NTRK1: variants seen among roughly 807,000 people sequenced by gnomAD.
NTRK1 encodes the protein neurotrophic receptor tyrosine kinase 1, also known as high affinity nerve growth factor receptor.
A neutral mutation model predicts 86.8 loss-of-function variants in NTRK1; 62 were observed. The ratio of observed to expected loss-of-function variants is 0.71; its 90% confidence interval spans 0.58 to 0.88. The LOEUF is 0.88. Among genes scored for constraint, NTRK1 ranks in the 40% least tolerant of loss-of-function variants. NTRK1 has a pLI of 0.00. For missense variants in NTRK1, 967 were observed against 1,078.4 expected (o/e 0.90, Z 1.45); for synonymous variants, 469 against 456.6 (o/e 1.03, Z -0.35).
intron 1 of NTRK1, among the ~76,000 whole-genome samples, chr1:156,826,524 C>T (rs558345136): frequency 1.4e-4 from 21 of 152,024 alleles, no homozygotes; most frequent in Middle Eastern, 6.8e-3. Flanking sequence ...CTCCTGACCT[C>T]GTGATCCGCC....
chr1:156,849,513 G>GGGGGGGGC, intron 2 of NTRK1: 1 of 486,122 alleles, frequency 2.1e-6, no homozygotes, highest in Non-Finnish European at 4.1e-6. Flanking sequence ...CAGGGGGTGG[G>GGGGGGGGC]AAAGGGGATG....
chr1:156,826,293 CTTT>C (rs386368405), intron 1 of NTRK1, among the ~76,000 whole-genome samples: 5 of 88,436 alleles, frequency 5.7e-5, no homozygotes, highest in Non-Finnish European at 8.5e-5. Context: ...GACTTGAGCT[CTTT>C]TTTTTTTTTT....
At chr1:156,816,603 C>A in intron 1 of NTRK1, 1 of 1,523,342 alleles carries the variant, frequency 6.6e-7, no homozygotes, top group Non-Finnish European at 9.0e-7. Context: ...GGAGCTCAAG[C>A]CCAGGAGGGA....
chr1:156,851,100 A>C lies in NTRK1; in HGVS notation c.50+8907A>C, dbSNP rs147554767. ...GAGTAATATTCAAAACAGTCCTGAG[A>C]AGTAAGTAATGTTATATTAGCCCTA... is the stretch of plus-strand genomic sequence containing the variant. On this transcript the variant is annotated intron_variant, in intron 2 of 16. Transcript: ENST00000392302. The C allele has an allele frequency of 2.3e-3, 1,577 of 694,562 alleles. 20 individuals carry two copies. In the African/African-American group the frequency reaches 0.025, roughly 11 times the overall value. 43.0% of individuals were successfully genotyped at this position (694,562 alleles called of 1,614,324 possible). A position where few individuals can be genotyped will look rare whatever the true frequency, so the allele number is the denominator to read the frequency against.
chr1:156,860,557 T>C (rs983582626), upstream of NTRK1, among the ~76,000 whole-genome samples: 3 of 152,112 alleles, frequency 2.0e-5, no homozygotes, highest in Non-Finnish European at 4.4e-5. Context: ...TCATCTTCCC[T>C]CCTCCCCAAA....
At chr1:156,851,746 G>A in intron 2 of NTRK1, 1 of 1,614,104 alleles carries the variant, frequency 6.2e-7, no homozygotes, top group Non-Finnish European at 8.5e-7. Flanking sequence ...TGCCTACCTT[G>A]CACTCTTTAG....
chr1:156,819,790 A>AT (rs1381753527), intron 1 of NTRK1, among the ~76,000 whole-genome samples: 1 of 152,096 alleles, frequency 6.6e-6, no homozygotes, highest in African/African-American at 2.4e-5. Flanking sequence ...AATTGCTGGG[A>AT]TTACAGGCAT....
intron 1 of NTRK1, among the ~76,000 whole-genome samples, chr1:156,830,924 T>C (rs1483587279): frequency 6.6e-6 from 1 of 152,212 alleles, no homozygotes; most frequent in African/African-American, 2.4e-5. Context: ...TTACCTTCTT[T>C]TCTACCAGCC....
chr1:156,878,752 G>T (rs747672863), intron 14 of NTRK1, among the ~76,000 whole-genome samples: 3 of 152,194 alleles, frequency 2.0e-5, no homozygotes, highest in Non-Finnish European at 4.4e-5. Flanking sequence ...GGGTGGGAAG[G>T]GTCCCTTCCC....
At chr1:156,837,542 G>A (rs1246913559) in intron 1 of NTRK1, among the ~76,000 whole-genome samples, 1 of 152,192 alleles carries the variant, frequency 6.6e-6, no homozygotes, top group Non-Finnish European at 1.5e-5. Context: ...AAAGGGGGTG[G>A]ACAGGGAGTG....
In NTRK1 at chr1:156,873,935, T is replaced by G. The variant is rs2102906375; in HGVS notation, c.1153T>G (p.Phe385Val). ...TGCCTTCATGGACAACCCTTTCGAG[T>G]TCAACCCCGAGGACCCCATCCCTGG... ...MAAFMDNPFE[F>V]NPEDPIPVSF... is the part of the protein sequence containing the mutation. The change falls in exon 8 of 17, where the codon TTC becomes GTC. Residue 385 changes from phenylalanine (F) to valine (V), a missense_variant. Physicochemically the swap from Phe to Val is conservative, Grantham distance 50. This residue lies in a region of NTRK1 where 637 missense variants were observed against 776.5 expected (regional missense o/e 0.82). Coordinates refer to ENST00000524377, the MANE Select transcript of NTRK1 (RefSeq NM_002529.4). The G allele has an allele frequency of 6.4e-7, 1 of 1,555,778 alleles. No individual in the cohort carries two copies. The highest frequency in any genetic ancestry group is 8.7e-7 in the Non-Finnish European group (1 of 1,149,172).
At chr1:156,880,532 G>A (rs979645879) in intron 16 of NTRK1, 8 of 259,658 alleles carry the variant, frequency 3.1e-5, no homozygotes, top group South Asian at 1.1e-4. Context: ...GCAGCAGGAC[G>A]GCTGGAGGTT....
chr1:156,851,736 T>C (rs1655217463), intron 2 of NTRK1: 1 of 1,614,062 alleles, frequency 6.2e-7, no homozygotes, highest in African/African-American at 1.3e-5. Flanking sequence ...ATGGTCTTGG[T>C]GCCTACCTTG....
upstream of NTRK1, chr1:156,858,593 C>T (rs778776485): frequency 9.9e-6 from 16 of 1,614,024 alleles, no homozygotes; most frequent in Admixed American, 2.5e-4. Flanking sequence ...CAGGCATGCT[C>T]CCCAGGGCCA....
chr1:156,853,921 T>C (rs1398823508), intron 2 of NTRK1: 2 of 1,613,972 alleles, frequency 1.2e-6, no homozygotes, highest in Admixed American at 1.7e-5. Flanking sequence ...GCTGCAGCAG[T>C]CCCCAGTCAA....
At chr1:156,873,018 A>AGTGTGTGTGTGTGTGTGTGT (rs55870362) in intron 7 of NTRK1, among the ~76,000 whole-genome samples, 1 of 130,952 alleles carries the variant, frequency 7.6e-6, no homozygotes, top group Non-Finnish European at 1.6e-5. Flanking sequence ...TTTCAAAAAG[A>AGTGTGTGTGTGTGTGTGTGT]GTGTGTGTGT....
At chr1:156,820,449 G>T (rs190752373) in intron 1 of NTRK1, among the ~76,000 whole-genome samples, 1 of 152,178 alleles carries the variant, frequency 6.6e-6, no homozygotes, top group East Asian at 1.9e-4. Flanking sequence ...GTTTTGCCAT[G>T]TTGCCCAGGC....
intron 1 of NTRK1, 56 bp from the exon 2 acceptor site, chr1:156,864,298 C>T (rs903600795): frequency 6.4e-7 from 1 of 1,554,618 alleles, no homozygotes; most frequent in East Asian, 2.2e-5. Flanking sequence ...AGTGGGTGGG[C>T]ATGGGAACTC....
intron 1 of NTRK1, among the ~76,000 whole-genome samples, chr1:156,862,184 C>T (rs1012381704): frequency 6.6e-6 from 1 of 152,156 alleles, no homozygotes; most frequent in Non-Finnish European, 1.5e-5. Context: ...CTGGAAGTTA[C>T]TTGAGCAGCT....
Sources: allele counts gnomAD v4.1 joint callset (sites outside exome capture counted in the v4.1 genomes callset), GRCh38; gene constraint gnomAD v4.1.1; regional missense constraint gnomAD v4.1.1; transcripts MANE v1.5; gene names NCBI Gene and HGNC (gene_info 2026-07-23, HGNC 2026-07-21).